MYO7A: variants seen among roughly 807,000 people sequenced by gnomAD.
MYO7A encodes unconventional myosin-VIIa.
A neutral mutation model predicts 263.8 loss-of-function variants in MYO7A; 210 were observed. The observed-to-expected ratio is 0.80, with a 90% confidence interval of 0.71 to 0.89. The LOEUF (loss-of-function observed/expected upper bound fraction) is 0.89. MYO7A is among the 40% of genes least tolerant of loss of function. MYO7A has a pLI of 0.00. For missense variants in MYO7A, 2,820 were observed against 2,968.3 expected, an observed-to-expected ratio of 0.95 and a Z score of 1.16; for synonymous variants, 1,239 against 1,197.3, an observed-to-expected ratio of 1.03 and a Z score of -0.72.
chr11:77,195,085 G>A (rs145352491), intron 32 of MYO7A, among the ~76,000 whole-genome samples: 1 of 152,208 alleles, frequency 6.6e-6, no homozygotes, highest in East Asian at 1.9e-4. Flanking sequence ...GGCCCTGGCT[G>A]TGCAAGAGAA....
chr11:77,202,367 A>T lies in MYO7A; in HGVS notation c.5111A>T (p.Glu1704Val). 1 of 1,563,856 alleles carries T rather than the reference A, an allele frequency of 6.4e-7. No homozygotes were observed. The highest frequency in any genetic ancestry group is 8.7e-7 in the Non-Finnish European group (1 of 1,153,570). ...VVRLLQLRTA[E>V]PEVRAKPYTL... ...CGGCTCTTGCAGCTGCGAACGGCGG[A>T]GCCCGAGGTGCGTGCCAAGCCCTAC... Residue 1704 changes from glutamate to valine, a missense_variant, in exon 37 of 49, where the codon GAG becomes GTG. By Grantham distance (121) the Glu-to-Val change is moderately radical (BLOSUM62 -2). Transcript: ENST00000409709.
chr11:77,162,462 A>G (rs1451484089), intron 13 of MYO7A, 132 bp downstream of exon 13: 2 of 886,370 alleles, frequency 2.3e-6, no homozygotes, highest in Non-Finnish European at 3.5e-6. Context: ...TCAGGGGCCA[A>G]TTCAAGTATA....
At chr11:77,188,482 G>A (rs1447086433) in intron 27 of MYO7A, among the ~76,000 whole-genome samples, 1 of 152,210 alleles carries the variant, frequency 6.6e-6, no homozygotes, top group Non-Finnish European at 1.5e-5. Flanking sequence ...CACTGAATTA[G>A]GTAATCCCAG....
Position 77,175,449 on chromosome 11 carries a change from C to G in MYO7A, c.2172C>G (p.Thr724=), listed in dbSNP as rs781809036. The G allele has an allele frequency of 1.9e-6, 3 of 1,613,306 alleles. No individual in the cohort carries two copies. The highest frequency in any genetic ancestry group is 2.5e-6 in the Non-Finnish European group (3 of 1,179,864). The change falls in exon 18 of 49, where the codon ACC becomes ACG. Residue 724 remains threonine, a synonymous_variant. Transcript: ENST00000409709. ...GTHDDWQIGK[T]KIFLKDHHDM... ...ACGATGACTGGCAGATAGGCAAAACCAAGATCTTTCTGAAGGTGAGCACAG... is the reference window on the plus strand; with the variant it reads ...ACGATGACTGGCAGATAGGCAAAACGAAGATCTTTCTGAAGGTGAGCACAG...
chr11:77,187,693 G>A (rs1278305677), intron 27 of MYO7A, among the ~76,000 whole-genome samples: 1 of 152,178 alleles, frequency 6.6e-6, no homozygotes, highest in Admixed American at 6.5e-5. Flanking sequence ...AATCAACTCA[G>A]CTGATGAGAG....
intron 2 of MYO7A, among the ~76,000 whole-genome samples, chr11:77,131,152 G>A (rs1950755405): frequency 6.6e-6 from 1 of 152,212 alleles, no homozygotes; most frequent in South Asian, 2.1e-4. Flanking sequence ...CCTACTGAGG[G>A]CCACAGTGGC....
chr11:77,158,494 C>A, intron 9 of MYO7A, 64 bp downstream of exon 9: 1 of 1,542,002 alleles, frequency 6.5e-7, no homozygotes, highest in Non-Finnish European at 8.8e-7. Flanking sequence ...TGCCTTGCTG[C>A]CCACGTGGTA....
At chr11:77,213,166 C>T in intron 47 of MYO7A, 131 bp downstream of exon 47, 2 of 721,862 alleles carry the variant, frequency 2.8e-6, no homozygotes, top group Non-Finnish European at 4.6e-6. Flanking sequence ...CACGTGGCTT[C>T]AAAAGCTGTC....
In MYO7A at chr11:77,190,882, C is replaced by T. The variant is rs2276285; in HGVS notation, c.3924+12C>T. The T allele has an allele frequency of 0.52, 801,231 of 1,534,358 alleles. 211,859 individuals carry two copies. Among genetic ancestry groups the T allele is most frequent in the Admixed American group, 0.61 (30,624 of 49,914 alleles). On this transcript the variant is annotated intron_variant, in intron 30 of 48. Transcript: ENST00000409709. ...CCCTGTTTGACAAGGTATGGCCGCC[C>T]GGAAGCACCTCCTCCCGGAAGCACC...
chr11:77,156,173 A>G, intron 5 of MYO7A, 82 bp downstream of exon 5: 4 of 1,473,076 alleles, frequency 2.7e-6, no homozygotes, highest in East Asian at 2.4e-5. Flanking sequence ...ACCTCTAGGA[A>G]TTGCCCCCGC....
intron 2 of MYO7A, among the ~76,000 whole-genome samples, chr11:77,141,432 A>C (rs1246109250): frequency 1.3e-5 from 2 of 152,116 alleles, no homozygotes; most frequent in Non-Finnish European, 2.9e-5. Flanking sequence ...TTCATTGTGA[A>C]TCAGTTTTAT....
In MYO7A at chr11:77,198,631, C is replaced by A. The variant is rs367801483; in HGVS notation, c.4568+10C>A. On this transcript the variant is annotated intron_variant, in intron 34 of 48. Coordinates refer to ENST00000409709, the MANE Select transcript of MYO7A (RefSeq NM_000260.4). The stretch of plus-strand genomic sequence containing the variant: ...CCGTGTCCAGCAGCAGGTGAGGAGG[C>A]CCGCATGGAGATGCAGACAGACAGA... 22 of 1,613,492 alleles carry A rather than the reference C, an allele frequency of 1.4e-5. No individual in the cohort carries two copies. The highest frequency in any genetic ancestry group is 3.3e-5 in the South Asian group (3 of 91,002).
rs782397746 is a variant in MYO7A at position 77,160,981 on chromosome 11, C to T, written c.1209C>T (p.Tyr403=). 2.6e-5 allele frequency: 41 copies of T among 1,602,200 alleles called. No homozygotes were observed. The Admixed American group carries it at 3.6e-4, about 14-fold the overall frequency. The part of the protein sequence containing the change: ...DVRDAFVKGI[Y]GRLFVWIVDK... ...TGATCACTGCCTTTCAGGGGATCTA[C>T]GGGCGGCTGTTCGTGTGGATTGTGG... Residue 403 remains tyrosine (Y), a synonymous_variant, in exon 12 of 49, where the codon TAC becomes TAT. Coordinates refer to ENST00000409709, the MANE Select transcript of MYO7A (RefSeq NM_000260.4).
intron 44 of MYO7A, among the ~76,000 whole-genome samples, chr11:77,209,927 G>A (rs1033135401): frequency 6.6e-6 from 1 of 152,200 alleles, no homozygotes; most frequent in Non-Finnish European, 1.5e-5. Context: ...CCTTGTACCT[G>A]GCTCTCCTTC....
intron 41 of MYO7A, 82 bp from the exon 42 acceptor site, chr11:77,207,207 A>G: frequency 2.1e-6 from 2 of 931,832 alleles, no homozygotes; most frequent in African/African-American, 1.6e-5. Context: ...GGCTCAGTAT[A>G]GGAGGCATAG....
chr11:77,162,794 G>C, intron 13 of MYO7A, 59 bp from the exon 14 acceptor site: 2 of 1,582,484 alleles, frequency 1.3e-6, no homozygotes, highest in Admixed American at 3.5e-5. Context: ...CATGGGCAGG[G>C]AGGGGAGTGG....
chr11:77,162,057 C>A, intron 12 of MYO7A, 63 bp from the exon 13 acceptor site: 2 of 1,458,442 alleles, frequency 1.4e-6, no homozygotes, highest in Non-Finnish European at 1.9e-6. Flanking sequence ...GAGGCAGAGC[C>A]AGGCCCTGAA....
chr11:77,211,696 G>A lies in MYO7A; in HGVS notation c.6238-125G>A, dbSNP rs1957888601. Reference sequence around the variant, plus strand: ...GGTCTGCTGTCCTAGTCCTGGCCCTGAGGGTGCAGACGGGGCTGGAGTGGG... The same window carrying A: ...GGTCTGCTGTCCTAGTCCTGGCCCTAAGGGTGCAGACGGGGCTGGAGTGGG... On this transcript the variant is annotated intron_variant, in intron 45 of 48. Transcript: ENST00000409709. 5.6e-6 allele frequency: 4 copies of A among 712,888 alleles called. No individual in the cohort carries two copies. The East Asian group carries it at 1.1e-4, about 19-fold the overall frequency. 44.2% of individuals were successfully genotyped at this position (712,888 alleles called of 1,614,324 possible).
rs1555063175 is a variant in MYO7A at position 77,156,971 on chromosome 11, G to T, written c.702G>T (p.Gln234His). 2 of 1,613,880 alleles carry T rather than the reference G, an allele frequency of 1.2e-6. No homozygotes were observed. The highest frequency in any genetic ancestry group is 1.1e-5 in the South Asian group (1 of 91,088). ...RGAIEGAKIEQYLLEKSRVCR... is the reference protein window; with the variant it reads ...RGAIEGAKIEHYLLEKSRVCR... Reference sequence around the variant, plus strand: ...CCATCGAGGGCGCGAAGATTGAGCAGTACCTGCTGGAAAAGTCACGTGTCT... The same window carrying T: ...CCATCGAGGGCGCGAAGATTGAGCATTACCTGCTGGAAAAGTCACGTGTCT... Residue 234 changes from glutamine (Q) to histidine (H), a missense_variant, in exon 7 of 49, where the codon CAG (glutamine) becomes CAT (histidine). Transcript: ENST00000409709.
Sources: gnomAD v4.1 joint callset for allele counts (sites outside exome capture counted in the v4.1 genomes callset) on GRCh38, gnomAD v4.1.1 for gene constraint, MANE v1.5 for transcripts, NCBI Gene and HGNC (gene_info 2026-07-23, HGNC 2026-07-21) for gene names.